The following TMEM259 variants were observed in gnomAD, a reference collection of about 807,000 sequenced individuals.
The protein encoded by TMEM259 is transmembrane protein 259, also known as membralin.
A neutral mutation model predicts 46.7 loss-of-function variants in TMEM259; 26 were observed. The ratio of observed to expected loss-of-function variants is 0.56; its 90% CI spans 0.41 to 0.77. The LOEUF is 0.77. Among genes scored for constraint, TMEM259 ranks in the 30% least tolerant of loss-of-function variants. The pLI is 0.00. For synonymous variants in TMEM259, 494 were observed against 395.1 expected (o/e 1.25, Z -2.97); for missense variants, 930 against 900.5 (o/e 1.03, Z -0.42).
chr19:1,010,442 C>G lies in TMEM259; in HGVS notation c.1771G>C (p.Ala591Pro). Reference protein sequence around the residue: ...QDSVPPSDSAASDTTPLGAAV... With the variant: ...QDSVPPSDSAPSDTTPLGAAV... ...GCCCCCAGGGGAGTTGTGTCAGAAG[C>G]TGCGGAGTCACTCGGGGGGACACTG... Residue 591 changes from alanine (A) to proline (P), a missense_variant, in exon 11 of 11, where the codon GCT (alanine) becomes CCT (proline). Ala to Pro is a conservative substitution (Grantham distance 27). Coordinates refer to ENST00000356663, the MANE Select transcript of TMEM259 (RefSeq NM_001033026.2). 2.0e-6 allele frequency: 3 copies of G among 1,534,866 alleles called. No homozygotes were observed. The highest frequency in any genetic ancestry group is 2.6e-6 in the Non-Finnish European group (3 of 1,141,600).
chr19:1,020,568 G>A lies in TMEM259; in HGVS notation c.225+204C>T, dbSNP rs1395421251. On this transcript the variant is annotated intron_variant, in intron 1 of 10. Coordinates refer to ENST00000356663, the MANE Select transcript of TMEM259 (RefSeq NM_001033026.2). The surrounding 1 kb of genome is among the most constrained non-coding windows in gnomAD (Gnocchi z 4.0). ...CCGGGTGGACGTCCCCGGGCGGGAT[G>A]GGGTCACGAGACGGTGTCCCTGGCC... Among the ~76,000 whole-genome samples, 1 of 152,162 alleles carries A rather than the reference G, an allele frequency of 6.6e-6. No individual in the cohort carries two copies. The highest frequency in any genetic ancestry group is 2.4e-5 in the African/African-American group (1 of 41,450).
chr19:1,018,862 C>A (rs746531115), intron 1 of TMEM259, among the ~76,000 whole-genome samples: 2 of 152,068 alleles, frequency 1.3e-5, no homozygotes, highest in East Asian at 1.9e-4. Context: ...ATGGTGGGCA[C>A]CGGTAATCCT....
Position 1,014,493 on chromosome 19 carries a change from C to T in TMEM259, c.226-20G>A. 1.3e-6 allele frequency: 2 copies of T among 1,597,236 alleles called. No homozygotes were observed. Among genetic ancestry groups the T allele is most frequent in the African/African-American group, 2.7e-5 (2 of 74,710 alleles). ...CAGGGCCTAGGGGGCGGCCGGCAGT[C>T]AGTGGGGCGCCCCAGGGCCAGCTGC... is the stretch of plus-strand genomic sequence containing the variant. On this transcript the variant is annotated intron_variant, in intron 1 of 10. Transcript: ENST00000356663.
At position 1,010,896 on chromosome 19, in the gene TMEM259, C is replaced by T. The variant is rs1315416067; in HGVS notation, c.1318-1G>A. The stretch of plus-strand genomic sequence containing the variant: ...GGTGGAAGAAGTAGATCATGGAATG[C>T]TGCGGGAGGGAGAGTGGGAGTCAGG... On this transcript the variant is annotated splice_acceptor_variant, in intron 10 of 10. Transcript: ENST00000356663. LOFTEE classifies it high-confidence loss of function. The T allele has an allele frequency of 7.0e-7, 1 of 1,437,364 alleles. No individual in the cohort carries two copies. Among genetic ancestry groups the T allele is most frequent in the Non-Finnish European group, 9.5e-7 (1 of 1,051,064 alleles). The allele number at this position is 1,437,364 out of a possible 1,614,324, so 89.0% of individuals were successfully genotyped here.
In TMEM259 at chr19:1,011,644, C is replaced by T. The variant is rs1335462040; in HGVS notation, c.1020G>A (p.Leu340=). The change falls in exon 8 of 11, where the codon CTG becomes CTA. Residue 340 remains leucine, a synonymous_variant. Transcript: ENST00000356663. ...GGAAGGCGATGGCCATGTTCATCTCCAGCATCTGCAGCAGGTCCACTGCGG... is the reference window on the plus strand; with the variant it reads ...GGAAGGCGATGGCCATGTTCATCTCTAGCATCTGCAGCAGGTCCACTGCGG... ...FVFIVDLLQM[L]EMNMAIAFPA... is the part of the protein sequence containing the mutation. 3 of 1,546,578 alleles carry T rather than the reference C, an allele frequency of 1.9e-6. No individual in the cohort carries two copies. Among genetic ancestry groups the T allele is most frequent in the Admixed American group, 2.0e-5 (1 of 50,834 alleles).
Position 1,013,331 on chromosome 19 carries a change from C to T in TMEM259, c.517G>A (p.Asp173Asn), listed in dbSNP as rs201701133. Residue 173 changes from aspartate to asparagine, a missense_variant, in exon 3 of 11, where the codon GAC becomes AAC. By Grantham distance (23) the Asp-to-Asn change is conservative. Coordinates refer to ENST00000356663, the MANE Select transcript of TMEM259 (RefSeq NM_001033026.2). ...FGNSSIKFEL[D>N]IEPKVFKPPS... ...GGCTTGAACACCTTGGGCTCGATGT[C>T]CAGCTCAAACTGTGGGCGACCAGGG... 18 of 1,613,498 alleles carry T rather than the reference C, an allele frequency of 1.1e-5. No homozygotes were observed. The highest frequency in any genetic ancestry group is 2.5e-6 in the Non-Finnish European group (3 of 1,179,648).
intron 1 of TMEM259, among the ~76,000 whole-genome samples, chr19:1,017,765 C>G (rs2039158925): frequency 6.6e-6 from 1 of 152,168 alleles, no homozygotes; most frequent in African/African-American, 2.4e-5. Flanking sequence ...TTGACTGACC[C>G]ACAGACCGAC....
Position 1,010,333 on chromosome 19 carries a change from C to G in TMEM259, c.*17G>C. 4.8e-6 allele frequency: 7 copies of G among 1,460,428 alleles called. No individual in the cohort carries two copies. The highest frequency in any genetic ancestry group is 5.4e-6 in the Non-Finnish European group (6 of 1,115,720). The allele number at this position is 1,460,428 out of a possible 1,614,324, so 90.5% of individuals were successfully genotyped here. On this transcript the variant is annotated 3_prime_UTR_variant, in exon 11 of 11. Coordinates refer to ENST00000356663, the MANE Select transcript of TMEM259 (RefSeq NM_001033026.2). ...AGGCCCAGCCAGCAGGGGTCAGAGG[C>G]GGCTCAGCTGTGCGGCTCAGGACCC...
chr19:1,012,061 C>T lies in TMEM259; in HGVS notation c.841+5G>A, dbSNP rs1171795531. 6.2e-7 allele frequency: 1 copy of T among 1,612,200 alleles called. No homozygotes were observed. On this transcript the variant is annotated splice_donor_5th_base_variant and intron_variant, in intron 5 of 10. Transcript: ENST00000356663. ...TCGCACCCTCGGCCCCGGGGCATGCCTCACCCTTGTTCTCCTCGTTCTCGG... is the reference window on the plus strand; with the variant it reads ...TCGCACCCTCGGCCCCGGGGCATGCTTCACCCTTGTTCTCCTCGTTCTCGG...
In TMEM259 at chr19:1,011,939, T is replaced by A. The variant is rs779036356; in HGVS notation, c.895A>T (p.Met299Leu). The change falls in exon 6 of 11, where the codon ATG becomes TTG. Residue 299 changes from methionine (M) to leucine (L), a missense_variant. Met to Leu is a conservative substitution (Grantham distance 15, BLOSUM62 2). Transcript: ENST00000356663. ...GCGGCCAGGTAGGACGTCCGCGCCA[T>A]CCACATGCTCACAAAGCGGTAGTGC... ...GEHYRFVSMW[M>L]ARTSYLAAFA... is the part of the protein sequence containing the mutation. 1 of 1,608,342 alleles carries A rather than the reference T, an allele frequency of 6.2e-7. No homozygotes were observed. The highest frequency in any genetic ancestry group is 8.5e-7 in the Non-Finnish European group (1 of 1,177,610).
rs2038855699 is a variant in TMEM259, at chr19:1,010,249, G to C, written c.*101C>G. The C allele has an allele frequency of 2.8e-5, 32 of 1,133,644 alleles. 1 individual carries two copies. The South Asian group carries it at 5.7e-4, about 20-fold the overall frequency. 70.2% of individuals were successfully genotyped at this position (1,133,644 alleles called of 1,614,324 possible). A position where few individuals can be genotyped will look rare whatever the true frequency, so the allele number is the denominator to read the frequency against. ...CCCTGAAAGCCCCCGACACAGGCTG[G>C]GCAGTCCCAGAGGAAGGAGGTGGCT... is the stretch of plus-strand genomic sequence containing the variant. On this transcript the variant is annotated 3_prime_UTR_variant, in exon 11 of 11. Coordinates refer to ENST00000356663, the MANE Select transcript of TMEM259 (RefSeq NM_001033026.2).
chr19:1,013,467 C>T, intron 2 of TMEM259, 127 bp from the exon 3 acceptor site: 1 of 891,162 alleles, frequency 1.1e-6, no homozygotes. Flanking sequence ...ACTGACCAGG[C>T]CAGGGTGGAC....
chr19:1,011,780 G>C lies in TMEM259; in HGVS notation c.961C>G (p.Leu321Val). Residue 321 changes from leucine (L) to valine (V), a missense_variant, in exon 7 of 11, where the codon CTG becomes GTG. Coordinates refer to ENST00000356663, the MANE Select transcript of TMEM259 (RefSeq NM_001033026.2). ...ATCTGGTGGTGTGAGTACCGCAGCA[G>C]CATGGACACGCTCAGCGTCTGCAAG... The part of the protein sequence containing the change: ...MVIFTLSVSM[L>V]LRYSHHQIFV... 1 of 1,569,738 alleles carries C rather than the reference G, an allele frequency of 6.4e-7. No homozygotes were observed. The highest frequency in any genetic ancestry group is 8.6e-7 in the Non-Finnish European group (1 of 1,157,052).
intron 5 of TMEM259, 32 bp downstream of exon 5, chr19:1,012,034 C>A: frequency 6.2e-7 from 1 of 1,611,850 alleles, no homozygotes; most frequent in South Asian, 1.1e-5. Flanking sequence ...CCACCCGCGC[C>A]CTCGCACCCT....
intron 1 of TMEM259, among the ~76,000 whole-genome samples, chr19:1,015,914 C>T (rs1037341293): frequency 1.3e-5 from 2 of 152,182 alleles, no homozygotes; most frequent in Admixed American, 6.5e-5. Flanking sequence ...ACTTCCAGCC[C>T]GGCCGCAGTG....
Position 1,010,254 on chromosome 19 carries a change from TCCCAGAGGAAGGAGGTGGCTGGCCTCC to T in TMEM259, c.*69_*95del. ...AAAGCCCCCGACACAGGCTGGGCAGTCCCAGAGGAAGGAGGTGGCTGGCCTCCCCCACCCCCACGGGCTCGGGAAGGT... is the reference window on the plus strand; with the variant it reads ...AAAGCCCCCGACACAGGCTGGGCAGTCCCACCCCCACGGGCTCGGGAAGGT... On this transcript the variant is annotated 3_prime_UTR_variant, in exon 11 of 11. Coordinates refer to ENST00000356663, the MANE Select transcript of TMEM259 (RefSeq NM_001033026.2). 1 of 1,177,876 alleles carries T rather than the reference TCCCAGAGGAAGGAGGTGGCTGGCCTCC, an allele frequency of 8.5e-7. No homozygotes were observed. Among genetic ancestry groups the T allele is most frequent in the Non-Finnish European group, 1.1e-6 (1 of 885,736 alleles). The allele number at this position is 1,177,876 out of a possible 1,614,324, so 73.0% of individuals were successfully genotyped here. A position where few individuals can be genotyped will look rare whatever the true frequency, so the allele number is the denominator to read the frequency against.
intron 1 of TMEM259, among the ~76,000 whole-genome samples, chr19:1,016,686 T>C (rs1793848174): frequency 6.6e-6 from 1 of 152,092 alleles, no homozygotes; most frequent in Non-Finnish European, 1.5e-5. Context: ...TGAGGTCACA[T>C]GGCCAGGAGG....
chr19:1,014,684 G>A (rs778996032), intron 1 of TMEM259, among the ~76,000 whole-genome samples: 86 of 152,320 alleles, frequency 5.6e-4, no homozygotes, highest in Admixed American at 7.8e-4. Flanking sequence ...AAGTGACTGA[G>A]GATCCGGGGG....
chr19:1,010,973 C>T (rs1035797313), intron 10 of TMEM259, 78 bp from the exon 11 acceptor site: 6 of 1,552,396 alleles, frequency 3.9e-6, no homozygotes, highest in Middle Eastern at 1.9e-4. Flanking sequence ...GCAGCCCACC[C>T]GGGACCATCC....
Sources: allele counts gnomAD v4.1 joint callset (sites outside exome capture counted in the v4.1 genomes callset), GRCh38; gene constraint gnomAD v4.1.1; non-coding constraint Gnocchi (gnomAD v3.1); transcripts MANE v1.5; gene names NCBI Gene and HGNC (gene_info 2026-07-23, HGNC 2026-07-21).